The following KDM3B variants were observed in gnomAD, a reference collection of about 807,000 sequenced individuals.
KDM3B encodes the protein lysine demethylase 3B, also known as lysine-specific demethylase 3B.
KDM3B carries 10 observed loss-of-function variants against 170.0 expected under a neutral mutation model. The ratio of observed to expected loss-of-function variants is 0.06; its 90% CI spans 0.04 to 0.10. The LOEUF is 0.10. KDM3B is among the 10% of genes least tolerant of loss of function. The pLI is 1.00. For synonymous variants in KDM3B, 831 were observed against 834.8 expected, an observed-to-expected ratio of 1.00 and a Z score of 0.08; for missense variants, 1,394 against 2,195.2, an observed-to-expected ratio of 0.64 and a Z score of 7.29.
chr5:138,375,815 T>A (rs1761984783), intron 3 of KDM3B, among the ~76,000 whole-genome samples: 1 of 152,094 alleles, frequency 6.6e-6, no homozygotes, highest in Admixed American at 6.5e-5. Context: ...TAGCTGGGAT[T>A]ACAGGCATGT....
chr5:138,417,882 GTC>G (rs1332577723), intron 13 of KDM3B: 2 of 304,742 alleles, frequency 6.6e-6, no homozygotes, highest in African/African-American at 4.2e-5. Flanking sequence ...ATACCTCAGG[GTC>G]TTTGTATGGG....
rs186935753 is a variant in KDM3B, at chr5:138,359,172, T to A, written c.192+6185T>A. On this transcript the variant is annotated intron_variant, in intron 1 of 23. Coordinates refer to ENST00000314358, the MANE Select transcript of KDM3B (RefSeq NM_016604.4). ...TATTCCATGGTGTATTTATTTATTT[T>A]TTTTTTTTAGACACAGTCTTACTGT... is the stretch of plus-strand genomic sequence containing the variant. Among the ~76,000 whole-genome samples, 1,189 of 152,088 alleles carry A rather than the reference T, an allele frequency of 7.8e-3. 6 individuals are homozygous for A. The highest frequency in any genetic ancestry group is 0.026 in the East Asian group (132 of 5,168).
rs201563039 is a variant in KDM3B at position 138,399,841 on chromosome 5, T to C, written c.3047-19T>C. ...TGGTCAGGATGATCAATGCCAATTC[T>C]GTTTCCTCTTTCCACCAGAGAAAGT... is the stretch of plus-strand genomic sequence containing the variant. On this transcript the variant is annotated intron_variant, in intron 10 of 23. Transcript: ENST00000314358. 102 of 1,609,436 alleles carry C rather than the reference T, an allele frequency of 6.3e-5. No homozygotes were observed. In the African/African-American group the frequency reaches 1.2e-3, roughly 19 times the overall value.
Position 138,436,003 on chromosome 5 carries a change from T to C in KDM3B, c.*303T>C. 3.0e-6 allele frequency: 1 copy of C among 329,468 alleles called. No homozygotes were observed. The highest frequency in any genetic ancestry group is 6.1e-5 in the East Asian group (1 of 16,492). The allele number at this position is 329,468 out of a possible 1,614,324, so 20.4% of individuals were successfully genotyped here. ...GGGCTTTCCTGCACATTCTCCTGAT[T>C]TGAGATTCACGGGCACACCTTTCTT... On this transcript the variant is annotated 3_prime_UTR_variant, in exon 24 of 24. Coordinates refer to ENST00000314358, the MANE Select transcript of KDM3B (RefSeq NM_016604.4).
At chr5:138,409,773 TAAAG>T (rs1247722614) in intron 11 of KDM3B, among the ~76,000 whole-genome samples, 3 of 151,808 alleles carry the variant, frequency 2.0e-5, no homozygotes, top group East Asian at 1.9e-4. Flanking sequence ...TGTTAAAAGA[TAAAG>T]AAAAAATAAC....
chr5:138,392,345 AC>A, intron 8 of KDM3B, 84 bp downstream of exon 8: 1 of 1,322,716 alleles, frequency 7.6e-7, no homozygotes, highest in East Asian at 2.4e-5. Flanking sequence ...AGAGGCACTC[AC>A]TTTGATGGAG....
In KDM3B at chr5:138,419,044, A is replaced by C. The variant is rs750298126; in HGVS notation, c.3527A>C (p.Asp1176Ala). ...GCACCAGTAACAACTCCAGAGCCGG[A>C]CCATGTTCCCAAAGCCGACAGCACT... The part of the protein sequence containing the change: ...GPAPVTTPEP[D>A]HVPKADSTDI... The change falls in exon 14 of 24, where the codon GAC becomes GCC. Residue 1176 changes from aspartate to alanine, a missense_variant. Physicochemically the swap from Asp to Ala is moderately radical, Grantham distance 126 (BLOSUM62 -2). This residue lies in a region of KDM3B where 87 missense variants were observed against 83.3 expected (regional missense o/e 1.04). Transcript: ENST00000314358. 1.2e-6 allele frequency: 2 copies of C among 1,614,218 alleles called. No individual in the cohort carries two copies. The highest frequency in any genetic ancestry group is 1.1e-5 in the South Asian group (1 of 91,080).
chr5:138,377,159 A>G (rs1762020358), intron 3 of KDM3B, among the ~76,000 whole-genome samples: 1 of 152,154 alleles, frequency 6.6e-6, no homozygotes, highest in African/African-American at 2.4e-5. Flanking sequence ...TGCTTTATTC[A>G]TATTTATAAT....
chr5:138,409,642 G>A (rs375376151), intron 11 of KDM3B, among the ~76,000 whole-genome samples: 10 of 152,292 alleles, frequency 6.6e-5, no homozygotes, highest in Middle Eastern at 3.4e-3. Context: ...TATGGGCTGC[G>A]TGTGGTGGCT....
rs1275632112 is a variant in KDM3B at position 138,391,437 on chromosome 5, C to T, written c.1805C>T (p.Thr602Ile). Reference protein sequence around the residue: ...KVPAESMPTLTPAFPRSLLNA... With the variant: ...KVPAESMPTLIPAFPRSLLNA... ...CCTGCAGAGTCCATGCCCACCCTCA[C>T]TCCAGCCTTCCCACGGAGCCTCCTA... The change falls in exon 8 of 24, where the codon ACT (threonine) becomes ATT (isoleucine). Residue 602 changes from threonine to isoleucine, a missense_variant. Physicochemically the swap from Thr to Ile is moderately conservative, Grantham distance 89 (BLOSUM62 -1). This residue lies in a region of KDM3B where 294 missense variants were observed against 311.7 expected (regional missense o/e 0.94). Transcript: ENST00000314358. The surrounding 1 kb of genome is among the most constrained non-coding windows in gnomAD (Gnocchi z 5.0). 1 of 1,613,956 alleles carries T rather than the reference C, an allele frequency of 6.2e-7. No individual in the cohort carries two copies. The highest frequency in any genetic ancestry group is 2.2e-5 in the East Asian group (1 of 44,894).
chr5:138,376,372 C>T (rs1053857591), intron 3 of KDM3B, among the ~76,000 whole-genome samples: 1 of 152,088 alleles, frequency 6.6e-6, no homozygotes, highest in Admixed American at 6.6e-5. Flanking sequence ...ACCTTAAAAC[C>T]GCCCAAGATT....
chr5:138,385,801 A>G (rs774345487), intron 6 of KDM3B, among the ~76,000 whole-genome samples: 1 of 152,246 alleles, frequency 6.6e-6, no homozygotes, highest in Non-Finnish European at 1.5e-5. Context: ...AAAGTTTGCC[A>G]AGTGAGTTAA....
chr5:138,384,088 C>T (rs1762193522), intron 6 of KDM3B, among the ~76,000 whole-genome samples: 1 of 142,990 alleles, frequency 7.0e-6, no homozygotes, highest in African/African-American at 2.6e-5. Context: ...ACTAAAAATA[C>T]AAAAAAAATT....
intron 5 of KDM3B, among the ~76,000 whole-genome samples, chr5:138,380,558 T>A (rs987095715): frequency 2.0e-5 from 3 of 150,844 alleles, no homozygotes; most frequent in Non-Finnish European, 1.5e-5. Flanking sequence ...TAATCTAAAA[T>A]TGATAGACAT....
intron 2 of KDM3B, among the ~76,000 whole-genome samples, chr5:138,373,531 A>G (rs1225764059): frequency 2.0e-5 from 3 of 151,982 alleles, no homozygotes; most frequent in South Asian, 4.2e-4. Flanking sequence ...CAGTGGTGCA[A>G]TCAGAGCTCG....
chr5:138,435,361 A>C (rs1298564984), intron 23 of KDM3B, among the ~76,000 whole-genome samples: 2 of 152,240 alleles, frequency 1.3e-5, no homozygotes, highest in Non-Finnish European at 2.9e-5. Context: ...CCACATAAAG[A>C]GCTCAGCAGC....
chr5:138,425,318 G>A (rs1361280029), intron 16 of KDM3B, 93 bp from the exon 17 acceptor site: 1 of 1,115,136 alleles, frequency 9.0e-7, no homozygotes, highest in Non-Finnish European at 1.3e-6. Flanking sequence ...GAGAAGAGGA[G>A]GCCCTCCTCA....
intron 10 of KDM3B, 120 bp from the exon 11 acceptor site, chr5:138,399,740 C>A: frequency 1.3e-6 from 1 of 798,308 alleles, no homozygotes. Context: ...GAAACACAGA[C>A]TTTATGAATC....
intron 8 of KDM3B, 78 bp from the exon 9 acceptor site, chr5:138,393,093 T>G: frequency 7.3e-7 from 1 of 1,364,536 alleles, no homozygotes; most frequent in Admixed American, 1.7e-5. Flanking sequence ...AGAACAAATG[T>G]CTGTCCCCAA....
Sources: gnomAD v4.1 joint callset for allele counts (sites outside exome capture counted in the v4.1 genomes callset) on GRCh38, gnomAD v4.1.1 for gene constraint, gnomAD v4.1.1 regional missense constraint, Gnocchi (gnomAD v3.1) non-coding constraint, MANE v1.5 for transcripts, NCBI Gene and HGNC (gene_info 2026-07-23, HGNC 2026-07-21) for gene names.